Variants in CCSER1 observed in about 807,000 individuals in gnomAD.
CCSER1 encodes the protein coiled-coil serine rich protein 1, also known as serine-rich coiled-coil domain-containing protein 1.
CCSER1 carries 41 observed loss-of-function variants against 82.0 expected under a neutral mutation model. The observed-to-expected ratio is 0.50, with a 90% confidence interval of 0.39 to 0.65. The LOEUF is 0.65. CCSER1 is among the 30% of genes least tolerant of loss of function. The probability of loss-of-function intolerance (pLI) is 0.00; values close to 1 mark genes in which losing one functional copy is unlikely to be tolerated. For missense variants in CCSER1, 1,119 were observed against 1,064.2 expected, an observed-to-expected ratio of 1.05 and a Z score of -0.72; for synonymous variants, 414 against 383.9, an observed-to-expected ratio of 1.08 and a Z score of -0.92.
At chr4:91,067,996 T>C (rs1447678548) in intron 9 of CCSER1, among the ~76,000 whole-genome samples, 3 of 152,190 alleles carry the variant, frequency 2.0e-5, no homozygotes, top group Admixed American at 1.3e-4. Context: ...TTGTTAGACA[T>C]AGCCATGGAA....
chr4:91,406,985 C>A (rs1038762087), intron 10 of CCSER1, among the ~76,000 whole-genome samples: 7 of 152,126 alleles, frequency 4.6e-5, no homozygotes, highest in Non-Finnish European at 7.4e-5. Flanking sequence ...TATTGCAAAG[C>A]AGACAATCCT....
At chr4:91,451,972 T>G (rs1227796080) in intron 10 of CCSER1, among the ~76,000 whole-genome samples, 1 of 151,968 alleles carries the variant, frequency 6.6e-6, no homozygotes, top group Non-Finnish European at 1.5e-5. Flanking sequence ...ATATCTTAGT[T>G]GTGTTCCTGA....
chr4:91,375,425 A>G (rs1301002716), intron 10 of CCSER1, among the ~76,000 whole-genome samples: 1 of 152,176 alleles, frequency 6.6e-6, no homozygotes, highest in Non-Finnish European at 1.5e-5. Context: ...AAGAAGCTCT[A>G]CTGTGGGTAA....
chr4:91,288,066 A>G (rs1182554208), intron 10 of CCSER1, among the ~76,000 whole-genome samples: 1 of 147,742 alleles, frequency 6.8e-6, no homozygotes, highest in African/African-American at 2.5e-5. Flanking sequence ...TTTAGGATAT[A>G]TATATATATA....
At chr4:91,130,439 G>T (rs920015406) in intron 10 of CCSER1, among the ~76,000 whole-genome samples, 1 of 151,638 alleles carries the variant, frequency 6.6e-6, no homozygotes, top group African/African-American at 2.4e-5. Flanking sequence ...TACCTGACCA[G>T]GTCCTTCTCA....
At chr4:90,196,660 C>T (rs1331043302) in intron 1 of CCSER1, among the ~76,000 whole-genome samples, 3 of 145,982 alleles carry the variant, frequency 2.1e-5, no homozygotes, top group Admixed American at 6.9e-5. Context: ...CTCAGATACA[C>T]ACACACACAC....
chr4:91,355,761 C>T (rs1484637030), intron 10 of CCSER1, among the ~76,000 whole-genome samples: 3 of 152,102 alleles, frequency 2.0e-5, no homozygotes, highest in African/African-American at 7.2e-5. Flanking sequence ...TTTGCAGGGG[C>T]TGGCGAAGCT....
chr4:90,900,496 T>A (rs1328321466), intron 8 of CCSER1, among the ~76,000 whole-genome samples: 1 of 152,012 alleles, frequency 6.6e-6, no homozygotes, highest in African/African-American at 2.4e-5. Flanking sequence ...GTATGTTGTG[T>A]CTCTATTTTC....
At position 91,096,322 on chromosome 4, in the gene CCSER1, G is replaced by A. The variant is rs57848822; in HGVS notation, c.2217+10328G>A. Among the ~76,000 whole-genome samples the A allele has an allele frequency of 7.6e-3, 1,162 of 152,196 alleles. 12 individuals are homozygous for A. The highest frequency in any genetic ancestry group is 0.026 in the African/African-American group (1,084 of 41,500). On this transcript the variant is annotated intron_variant, in intron 10 of 10. Coordinates refer to ENST00000509176, the MANE Select transcript of CCSER1 (RefSeq NM_001145065.2). The stretch of plus-strand genomic sequence containing the variant: ...GGGGCCTTTCCACTTGGTAAAGGTG[G>A]GGCACTGTTGGTGCCATCTCCTGCC...
Position 90,628,233 on chromosome 4 carries a change from G to A in CCSER1, c.1932+1G>A. ...AAAGATGAAGAGAGTTCTTCAAGAG[G>A]TAATGGTTTCCTCTAAGATTAATGT... is the stretch of plus-strand genomic sequence containing the variant. On this transcript the variant is annotated splice_donor_variant, in intron 6 of 10. Coordinates refer to ENST00000509176, the MANE Select transcript of CCSER1 (RefSeq NM_001145065.2). LOFTEE classifies it high-confidence loss of function. 6.2e-7 allele frequency: 1 copy of A among 1,609,860 alleles called. No individual in the cohort carries two copies. The highest frequency in any genetic ancestry group is 8.5e-7 in the Non-Finnish European group (1 of 1,176,778).
intron 8 of CCSER1, among the ~76,000 whole-genome samples, chr4:90,894,365 T>A (rs564440009): frequency 3.3e-5 from 5 of 152,072 alleles, no homozygotes; most frequent in Non-Finnish European, 4.4e-5. Flanking sequence ...GATCTATGTT[T>A]GATACTATGC....
At chr4:91,469,214 C>G (rs1757126218) in intron 10 of CCSER1, among the ~76,000 whole-genome samples, 1 of 152,006 alleles carries the variant, frequency 6.6e-6, no homozygotes, top group Admixed American at 6.6e-5. Context: ...AACTTCATAT[C>G]TTGGGAATTC....
At chr4:90,873,679 T>G (rs1766843589) in intron 8 of CCSER1, among the ~76,000 whole-genome samples, 1 of 152,068 alleles carries the variant, frequency 6.6e-6, no homozygotes, top group Admixed American at 6.6e-5. Context: ...GTGTTAAGAG[T>G]GTCTAAGGAA....
chr4:90,860,689 C>T (rs552336899), intron 8 of CCSER1, among the ~76,000 whole-genome samples: 1 of 151,672 alleles, frequency 6.6e-6, no homozygotes, highest in South Asian at 2.1e-4. Flanking sequence ...AAACATTATT[C>T]ATCCATGAAA....
chr4:90,641,876 A>G, intron 6 of CCSER1: 1 of 266,604 alleles, frequency 3.8e-6, no homozygotes, highest in South Asian at 3.5e-5. Flanking sequence ...TTGTGTTATT[A>G]TCATATTCAA....
intron 1 of CCSER1, among the ~76,000 whole-genome samples, chr4:90,215,512 C>T (rs556429035): frequency 7.9e-5 from 12 of 152,166 alleles, no homozygotes; most frequent in Admixed American, 2.6e-4. Context: ...TTCAACATCA[C>T]CTGACTTTCT....
At chr4:90,308,163 GA>G in intron 1 of CCSER1, 80 bp from the exon 2 acceptor site, 2 of 1,072,224 alleles carry the variant, frequency 1.9e-6, no homozygotes, top group Non-Finnish European at 2.5e-6. Flanking sequence ...TTTGTGTCTC[GA>G]AAAGCAATAT....
intron 6 of CCSER1, among the ~76,000 whole-genome samples, chr4:90,721,131 G>A (rs544338088): frequency 4.6e-5 from 7 of 151,864 alleles, no homozygotes; most frequent in African/African-American, 1.7e-4. Flanking sequence ...ATGACACTTA[G>A]GAGAAAAATG....
chr4:91,414,887 A>G (rs776389150), intron 10 of CCSER1, among the ~76,000 whole-genome samples: 36 of 152,180 alleles, frequency 2.4e-4, no homozygotes, highest in Non-Finnish European at 4.3e-4. Context: ...TGTAAGTATA[A>G]GTAAGTGCAT....
Sources: allele counts gnomAD v4.1 joint callset (sites outside exome capture counted in the v4.1 genomes callset), GRCh38; gene constraint gnomAD v4.1.1; transcripts MANE v1.5; gene names NCBI Gene and HGNC (gene_info 2026-07-23, HGNC 2026-07-21).